RBM6: variants seen among roughly 807,000 people sequenced by gnomAD.
RBM6 encodes RNA-binding protein 6.
Under a neutral mutation model 140.4 loss-of-function variants are expected in RBM6, and 23 were observed. That is an observed-to-expected ratio of 0.16 (90% confidence interval 0.12 to 0.23). The LOEUF (loss-of-function observed/expected upper bound fraction) is 0.23. RBM6 is among the 10% of genes least tolerant of loss of function. RBM6 has a pLI of 1.00. For missense variants in RBM6, 1,139 were observed against 1,386.7 expected (o/e 0.82, Z 2.84); for synonymous variants, 439 against 475.6 (o/e 0.92, Z 1.00).
chr3:49,998,777 A>C (rs145952833), intron 5 of RBM6, among the ~76,000 whole-genome samples: 1 of 152,138 alleles, frequency 6.6e-6, no homozygotes, highest in South Asian at 2.1e-4. Context: ...GGACATAGTT[A>C]TTTGTACTTA....
intron 6 of RBM6, among the ~76,000 whole-genome samples, chr3:50,009,323 G>C (rs534658782): frequency 1.6e-4 from 24 of 152,318 alleles, no homozygotes; most frequent in Non-Finnish European, 3.1e-4. Context: ...GTTTCTGCAG[G>C]TAGCATTGCA....
intron 1 of RBM6, among the ~76,000 whole-genome samples, chr3:49,957,298 TTTTC>T (rs1428095660): frequency 5.9e-5 from 9 of 151,682 alleles, no homozygotes; most frequent in East Asian, 1.9e-4. Context: ...TTTCTTCTCA[TTTTC>T]TTTCTTTCTT....
chr3:49,975,538 T>C (rs1049043791), intron 5 of RBM6, 146 bp downstream of exon 5: 8 of 676,220 alleles, frequency 1.2e-5, no homozygotes, highest in Non-Finnish European at 2.1e-5. Flanking sequence ...AACAACCAGC[T>C]TTAGTTTTAG....
chr3:49,962,623 G>T lies in RBM6; in HGVS notation c.-19G>T. The T allele has an allele frequency of 6.3e-7, 1 of 1,588,336 alleles. No homozygotes were observed. Among genetic ancestry groups the T allele is most frequent in the Non-Finnish European group, 8.5e-7 (1 of 1,171,412 alleles). On this transcript the variant is annotated 5_prime_UTR_variant, in exon 2 of 21. Transcript: ENST00000266022. ...GTAGAAAAAGGATTTACTTGTTGGG[G>T]CCCTCTTGATAAAAAGAGATGTGGG...
intron 3 of RBM6, 107 bp downstream of exon 3, chr3:49,968,855 A>G (rs1417545397): frequency 1.4e-5 from 18 of 1,307,318 alleles, no homozygotes; most frequent in Admixed American, 1.3e-4. Context: ...ATCTCTGCTC[A>G]TGCAAGCTCC....
At chr3:49,945,807 G>C (rs936377072) in intron 1 of RBM6, among the ~76,000 whole-genome samples, 1 of 150,390 alleles carries the variant, frequency 6.6e-6, no homozygotes. Flanking sequence ...GCGTGAACCC[G>C]GGAGGCACAG....
At chr3:50,005,829 A>G (rs889994455) in intron 6 of RBM6, among the ~76,000 whole-genome samples, 1 of 152,234 alleles carries the variant, frequency 6.6e-6, no homozygotes, top group African/African-American at 2.4e-5. Flanking sequence ...CAATTTCAGT[A>G]CTTTTTCCTT....
intron 1 of RBM6, among the ~76,000 whole-genome samples, chr3:49,950,778 A>G (rs1312806832): frequency 6.6e-6 from 1 of 152,030 alleles, no homozygotes; most frequent in Non-Finnish European, 1.5e-5. Context: ...AAAGAATGAA[A>G]GGCAAAACAT....
intron 3 of RBM6, among the ~76,000 whole-genome samples, chr3:49,969,957 T>C (rs1316378330): frequency 6.6e-6 from 1 of 152,052 alleles, no homozygotes; most frequent in African/African-American, 2.4e-5. Context: ...TTTTTCTTTT[T>C]TGAGATGGAG....
Position 50,016,310 on chromosome 3 carries a change from G to A in RBM6, c.1557+16797G>A, listed in dbSNP as rs185113076. ...TTAAGGCCAAATAGTATTTCATTGT[G>A]CTTACATACCACATTTTCATTATCC... On this transcript the variant is annotated intron_variant, in intron 6 of 20. Coordinates refer to ENST00000266022, the MANE Select transcript of RBM6 (RefSeq NM_005777.3). Among the ~76,000 whole-genome samples, 12 of 152,188 alleles carry A rather than the reference G, an allele frequency of 7.9e-5. No individual in the cohort carries two copies. In the East Asian group the frequency reaches 2.3e-3, roughly 29 times the overall value.
intron 6 of RBM6, among the ~76,000 whole-genome samples, chr3:50,011,237 T>C (rs1169199371): frequency 6.6e-6 from 1 of 150,780 alleles, no homozygotes; most frequent in East Asian, 1.9e-4. Flanking sequence ...AAAAAAGGCA[T>C]GAAGAATTTT....
chr3:49,953,832 T>C (rs1042312049), intron 1 of RBM6, among the ~76,000 whole-genome samples: 2 of 151,888 alleles, frequency 1.3e-5, no homozygotes, highest in Admixed American at 1.3e-4. Flanking sequence ...ACCTGACTAA[T>C]TAAAAAAAAA....
chr3:50,032,002 A>T (rs1315652621), intron 6 of RBM6, among the ~76,000 whole-genome samples: 1 of 152,164 alleles, frequency 6.6e-6, no homozygotes, highest in African/African-American at 2.4e-5. Context: ...AAAAAAGGAT[A>T]CTTTTGAGCG....
At chr3:49,953,994 A>G (rs62262106) in intron 1 of RBM6, among the ~76,000 whole-genome samples, 33,048 of 151,870 alleles carry the variant, frequency 0.22, 3,900 homozygotes, top group Middle Eastern at 0.27. Flanking sequence ...AAATTAGCCG[A>G]GCATGGTAGT....
At chr3:50,056,011 G>A (rs1242599973) in intron 8 of RBM6, among the ~76,000 whole-genome samples, 1 of 152,174 alleles carries the variant, frequency 6.6e-6, no homozygotes, top group East Asian at 1.9e-4. Flanking sequence ...TCTGTTTGTT[G>A]CAAGGTTAGA....
intron 16 of RBM6, 124 bp downstream of exon 16, chr3:50,065,250 A>G (rs1415269051): frequency 1.4e-6 from 1 of 699,708 alleles, no homozygotes; most frequent in Non-Finnish European, 2.4e-6. Flanking sequence ...TGTCTCCCGA[A>G]TAAGGATTCC....
At chr3:49,966,043 T>C (rs2084503256) in intron 2 of RBM6, among the ~76,000 whole-genome samples, 1 of 151,662 alleles carries the variant, frequency 6.6e-6, no homozygotes. Context: ...TGAGAATTGC[T>C]TGAACCCAGG....
chr3:50,006,087 G>A (rs1401122785), intron 6 of RBM6, among the ~76,000 whole-genome samples: 1 of 150,640 alleles, frequency 6.6e-6, no homozygotes, highest in Non-Finnish European at 1.5e-5. Context: ...TTGAGATGGA[G>A]TCTCACTGGT....
At chr3:49,966,796 T>C (rs772211476) in intron 2 of RBM6, among the ~76,000 whole-genome samples, 6 of 152,048 alleles carry the variant, frequency 3.9e-5, no homozygotes, top group Non-Finnish European at 8.8e-5. Context: ...TGGGTAGTTA[T>C]AATAGGACCC....
Sources: gnomAD v4.1 joint callset for allele counts (sites outside exome capture counted in the v4.1 genomes callset) on GRCh38, gnomAD v4.1.1 for gene constraint, MANE v1.5 for transcripts, NCBI Gene and HGNC (gene_info 2026-07-23, HGNC 2026-07-21) for gene names.